The following ADAMTS9 variants were observed in gnomAD, a reference collection of about 807,000 sequenced individuals.
The protein encoded by ADAMTS9 is A disintegrin and metalloproteinase with thrombospondin motifs 9.
A neutral mutation model predicts 257.1 loss-of-function variants in ADAMTS9; 107 were observed. That is an observed-to-expected ratio of 0.42 (90% CI 0.36 to 0.49). The LOEUF is 0.49. ADAMTS9 is among the 20% of genes least tolerant of loss of function. ADAMTS9 has a pLI of 0.03. For synonymous variants in ADAMTS9, 982 were observed against 880.9 expected, an observed-to-expected ratio of 1.11 and a Z score of -2.03; for missense variants, 2,353 against 2,469.1, an observed-to-expected ratio of 0.95 and a Z score of 1.00.
intron 29 of ADAMTS9, chr3:64,565,895 T>C (rs1286791182): frequency 6.6e-6 from 1 of 152,188 alleles, no homozygotes; most frequent in Admixed American, 6.5e-5. Flanking sequence ...AAATTCAAGA[T>C]TTCAGAAGAC....
intron 21 of ADAMTS9, 113 bp from the exon 22 acceptor site, chr3:64,613,622 C>T: frequency 9.9e-7 from 1 of 1,006,260 alleles, no homozygotes; most frequent in Non-Finnish European, 1.4e-6. Flanking sequence ...AGCAATCACT[C>T]TCCCATAGCA....
chr3:64,633,767 A>C lies in ADAMTS9; in HGVS notation c.1969T>G (p.Phe657Val), dbSNP rs1221664510. The change falls in exon 13 of 40, where the codon TTT (phenylalanine) becomes GTT (valine). Residue 657 changes from phenylalanine (F) to valine (V), a missense_variant. Phe to Val is a conservative substitution (Grantham distance 50). Coordinates refer to ENST00000498707, the MANE Select transcript of ADAMTS9 (RefSeq NM_182920.2). The stretch of plus-strand genomic sequence containing the variant: ...TTGATGTTAAAATGCTTCCCGTCAA[A>C]GTGAGCACACTGTTCATCTCGGAAG... ...RDFRDEQCAH[F>V]DGKHFNINGL... 1 of 1,613,674 alleles carries C rather than the reference A, an allele frequency of 6.2e-7. No individual in the cohort carries two copies. Among genetic ancestry groups the C allele is most frequent in the Non-Finnish European group, 8.5e-7 (1 of 1,179,946 alleles).
intron 22 of ADAMTS9, among the ~76,000 whole-genome samples, chr3:64,611,255 G>T (rs1460043359): frequency 1.3e-5 from 2 of 152,136 alleles, no homozygotes; most frequent in African/African-American, 2.4e-5. Flanking sequence ...AATGGCCATT[G>T]AGGGATAAAT....
At chr3:64,563,984 C>T (rs2083476872) in intron 29 of ADAMTS9, among the ~76,000 whole-genome samples, 1 of 152,186 alleles carries the variant, frequency 6.6e-6, no homozygotes, top group African/African-American at 2.4e-5. Context: ...GCAGGCACCC[C>T]ATGAATAAAA....
In ADAMTS9 at chr3:64,658,620, C is replaced by A; in HGVS notation, c.851G>T (p.Arg284Met). ...DNTREKRTHR[R>M]TKRFLSYPRF... ...TGGATAGGATAAAAAACGTTTTGTCCTTCTGTGGGTCCTCTTTTCTCTTGT... is the reference window on the plus strand; with the variant it reads ...TGGATAGGATAAAAAACGTTTTGTCATTCTGTGGGTCCTCTTTTCTCTTGT... The change falls in exon 4 of 40, where the codon AGG becomes ATG. Residue 284 changes from arginine (R) to methionine (M), a missense_variant. By Grantham distance (91) the Arg-to-Met change is moderately conservative. Transcript: ENST00000498707. The A allele has an allele frequency of 6.2e-7, 1 of 1,613,976 alleles. No individual in the cohort carries two copies. The highest frequency in any genetic ancestry group is 8.5e-7 in the Non-Finnish European group (1 of 1,179,992).
At chr3:64,679,236 G>A (rs1011280201) in intron 3 of ADAMTS9, among the ~76,000 whole-genome samples, 1 of 152,202 alleles carries the variant, frequency 6.6e-6, no homozygotes, top group Admixed American at 6.5e-5. Context: ...AATGAACCTT[G>A]AAGATTTTTT....
intron 28 of ADAMTS9, among the ~76,000 whole-genome samples, chr3:64,581,053 A>G (rs2083985740): frequency 6.6e-6 from 1 of 152,244 alleles, no homozygotes; most frequent in African/African-American, 2.4e-5. Context: ...GATAGACATC[A>G]TAAGACCTAT....
rs537860987 is a variant in ADAMTS9 at position 64,516,027 on chromosome 3, C to A, written c.*1100G>T. 6.6e-6 allele frequency: 1 copy of A among 152,164 alleles called. No homozygotes were observed. The highest frequency in any genetic ancestry group is 1.5e-5 in the Non-Finnish European group (1 of 68,032). 9.4% of individuals were successfully genotyped at this position (152,164 alleles called of 1,614,324 possible). On this transcript the variant is annotated 3_prime_UTR_variant, in exon 40 of 40. Transcript: ENST00000498707. ...TTCACACAAACGTCCATTACTGCAG[C>A]GGGCATGAAAACCGGCAGGGTGTTA...
intron 12 of ADAMTS9, among the ~76,000 whole-genome samples, chr3:64,638,296 C>A (rs1187602871): frequency 6.6e-6 from 1 of 152,114 alleles, no homozygotes; most frequent in Non-Finnish European, 1.5e-5. Flanking sequence ...AGCTCTGAGC[C>A]AAATTTTGAG....
At chr3:64,637,625 T>A (rs1029331276) in intron 12 of ADAMTS9, among the ~76,000 whole-genome samples, 4 of 152,188 alleles carry the variant, frequency 2.6e-5, no homozygotes, top group African/African-American at 9.6e-5. Context: ...GAAATCAACT[T>A]CTACGTTTAG....
chr3:64,649,748 T>A lies in ADAMTS9; in HGVS notation c.1494A>T (p.Glu498Asp), dbSNP rs767635910. The A allele has an allele frequency of 1.2e-6, 2 of 1,613,882 alleles. No individual in the cohort carries two copies. The highest frequency in any genetic ancestry group is 1.7e-6 in the Non-Finnish European group (2 of 1,179,920). ...DTGYGECLLN[E>D]PESRPYPLPV... ...GCAAAGGGTAGGGTCTGGATTCAGG[T>A]TCGTTAAGCAAACACTCGCCATAAC... The change falls in exon 10 of 40, where the codon GAA becomes GAT. Residue 498 changes from glutamate (E) to aspartate (D), a missense_variant. By Grantham distance (45) the Glu-to-Asp change is conservative. Around this residue, in one of 3 missense-constraint regions of ADAMTS9, gnomAD observed 360 missense variants for 458.1 expected, o/e 0.79. Coordinates refer to ENST00000498707, the MANE Select transcript of ADAMTS9 (RefSeq NM_182920.2).
rs1428779671 is a variant in ADAMTS9, at chr3:64,633,549, G to C, written c.2098C>G (p.Gln700Glu). The change falls in exon 14 of 40, where the codon CAG (glutamine) becomes GAG (glutamate). Residue 700 changes from glutamine (Q) to glutamate (E), a missense_variant. Physicochemically the swap from Gln to Glu is conservative, Grantham distance 29. Transcript: ENST00000498707. ...CCATCTATCACTCTGTCTCGAAGCT[G>C]ATAGTAGGCTGTGTTCCCTGCCACT... Reference protein sequence around the residue: ...CRVAGNTAYYQLRDRVIDGTP... With the variant: ...CRVAGNTAYYELRDRVIDGTP... 9 of 1,613,974 alleles carry C rather than the reference G, an allele frequency of 5.6e-6. No individual in the cohort carries two copies. Among genetic ancestry groups the C allele is most frequent in the Non-Finnish European group, 7.6e-6 (9 of 1,180,026 alleles).
intron 8 of ADAMTS9, among the ~76,000 whole-genome samples, chr3:64,653,061 A>T (rs1251987304): frequency 6.6e-6 from 1 of 152,230 alleles, no homozygotes; most frequent in Non-Finnish European, 1.5e-5. Context: ...ATATTGCAAA[A>T]ATCTGAGACA....
chr3:64,602,588 G>T (rs533004645), intron 25 of ADAMTS9, among the ~76,000 whole-genome samples: 1 of 152,238 alleles, frequency 6.6e-6, no homozygotes, highest in African/African-American at 2.4e-5. Context: ...CTCCAGCTAT[G>T]CTGGCCTTAC....
chr3:64,594,315 C>T lies in ADAMTS9; in HGVS notation c.4299G>A (p.Gln1433=). 6.2e-7 allele frequency: 1 copy of T among 1,613,478 alleles called. No homozygotes were observed. Among genetic ancestry groups the T allele is most frequent in the African/African-American group, 1.3e-5 (1 of 74,794 alleles). ...CGTGTGGACAAGCATGTGTGTTACACTGCTCACGATCGGGAGGTTTATCAA... is the reference window on the plus strand; with the variant it reads ...CGTGTGGACAAGCATGTGTGTTACATTGCTCACGATCGGGAGGTTTATCAA... ...EILDKPPDRE[Q]CNTHACPHDA... Residue 1433 remains glutamine (Q), a synonymous_variant, in exon 28 of 40, where the codon CAG becomes CAA. Transcript: ENST00000498707.
At chr3:64,679,269 CTT>C (rs1376643992) in intron 3 of ADAMTS9, among the ~76,000 whole-genome samples, 1 of 152,070 alleles carries the variant, frequency 6.6e-6, no homozygotes. Flanking sequence ...CTAATTAAGA[CTT>C]TCTCTTTCTG....
chr3:64,668,485 C>T (rs1701403693), intron 3 of ADAMTS9, among the ~76,000 whole-genome samples: 1 of 152,160 alleles, frequency 6.6e-6, no homozygotes, highest in African/African-American at 2.4e-5. Context: ...ATCCCAGCTG[C>T]TCTGCATTCA....
At position 64,654,377 on chromosome 3, in the gene ADAMTS9, G is replaced by A. The variant is rs1265031681; in HGVS notation, c.1292C>T (p.Thr431Met). ...CACATGGCCCAGCTCATGGGCGATCGTAAAAGCTGTACTCAATCCACTATC... is the reference window on the plus strand; with the variant it reads ...CACATGGCCCAGCTCATGGGCGATCATAAAAGCTGTACTCAATCCACTATC... The part of the protein sequence containing the change: ...SEDSGLSTAF[T>M]IAHELGHVFN... Residue 431 changes from threonine (T) to methionine (M), a missense_variant, in exon 8 of 40, where the codon ACG becomes ATG. This residue lies in a region of ADAMTS9 where 591 missense variants were observed against 569.6 expected (regional missense o/e 1.04). Coordinates refer to ENST00000498707, the MANE Select transcript of ADAMTS9 (RefSeq NM_182920.2). 5.0e-6 allele frequency: 8 copies of A among 1,613,894 alleles called. No homozygotes were observed. The highest frequency in any genetic ancestry group is 5.9e-6 in the Non-Finnish European group (7 of 1,179,884).
chr3:64,518,763 C>CTTT lies in ADAMTS9; in HGVS notation c.*6-1643_*6-1642insAAA, dbSNP rs1491154708. ...CCGAGGGAATTTATCATTACCTTTT[C>CTTT]ATTTTTTTTTTTTTTTTTTTTTTTT... On this transcript the variant is annotated intron_variant, in intron 39 of 39. Coordinates refer to ENST00000498707, the MANE Select transcript of ADAMTS9 (RefSeq NM_182920.2). Among the ~76,000 whole-genome samples the CTTT allele has an allele frequency of 1.0e-3, 93 of 88,686 alleles. 9 individuals carry two copies. Among genetic ancestry groups the CTTT allele is most frequent in the Admixed American group, 5.4e-3 (39 of 7,258 alleles). The allele number at this position is 88,686 out of a possible 152,430, so 58.2% of individuals were successfully genotyped here.
Sources: gnomAD v4.1 joint callset for allele counts (sites outside exome capture counted in the v4.1 genomes callset) on GRCh38, gnomAD v4.1.1 for gene constraint, gnomAD v4.1.1 regional missense constraint, MANE v1.5 for transcripts, NCBI Gene and HGNC (gene_info 2026-07-23, HGNC 2026-07-21) for gene names.